Variants in FBXO41 observed in about 807,000 individuals in gnomAD.
FBXO41 encodes F-box only protein 41.
FBXO41 carries 33 observed loss-of-function variants against 81.6 expected under a neutral mutation model. The ratio of observed to expected loss-of-function variants is 0.40; its 90% confidence interval spans 0.31 to 0.54. FBXO41 has a LOEUF of 0.54. Among genes scored for constraint, FBXO41 ranks in the 20% least tolerant of loss-of-function variants. The pLI, the probability that FBXO41 is intolerant of heterozygous loss-of-function variation, is 0.39. For missense variants in FBXO41, 1,107 were observed against 1,236.0 expected (o/e 0.90, Z 1.56); for synonymous variants, 576 against 552.7 (o/e 1.04, Z -0.59).
Position 73,264,365 on chromosome 2 carries a change from G to A in FBXO41, c.1719C>T (p.Ala573=), listed in dbSNP as rs372626007. 15 of 1,613,648 alleles carry A rather than the reference G, an allele frequency of 9.3e-6. No individual in the cohort carries two copies. Among genetic ancestry groups the A allele is most frequent in the South Asian group, 7.7e-5 (7 of 91,096 alleles). ...YLDTRTLLHA[A]EVCRDWRFVA... ...CGAAGCGCCAGTCCCGGCAGACCTC[G>A]GCAGCATGCAGCAGTGTGCGCGTGT... The change falls in exon 6 of 13, where the codon GCC becomes GCT. Residue 573 remains alanine (A), a synonymous_variant. Transcript: ENST00000520530.
At chr2:73,278,971 G>A (rs1483150820) in intron 1 of FBXO41, among the ~76,000 whole-genome samples, 1 of 152,206 alleles carries the variant, frequency 6.6e-6, no homozygotes, top group Non-Finnish European at 1.5e-5. Flanking sequence ...TGAATGAATG[G>A]CAAGGGCTTG....
chr2:73,263,395 G>C (rs1688090440), intron 8 of FBXO41, 87 bp from the exon 9 acceptor site: 9 of 1,060,664 alleles, frequency 8.5e-6, no homozygotes, highest in South Asian at 1.7e-5. Context: ...CCGAGGTTGG[G>C]GATCGCCTGA....
At position 73,260,770 on chromosome 2, in the gene FBXO41, C is replaced by T. The variant is rs569031158; in HGVS notation, c.2260G>A (p.Gly754Ser). Residue 754 changes from glycine (G) to serine (S), a missense_variant, in exon 10 of 13, where the codon GGC becomes AGC. Coordinates refer to ENST00000520530, the MANE Select transcript of FBXO41 (RefSeq NM_001371389.2). The surrounding 1 kb of genome is among the most constrained non-coding windows in gnomAD (Gnocchi z 5.0). ...HLRALGVGGA[G>S]CGVQGLASLA... ...GATGCCAGGCCCTGCACCCCACAGC[C>T]GGCACCCCCGACCCCCAGGGCCCGC... 1.7e-5 allele frequency: 27 copies of T among 1,558,184 alleles called. No individual in the cohort carries two copies. The highest frequency in any genetic ancestry group is 2.4e-5 in the East Asian group (1 of 41,956).
Position 73,255,569 on chromosome 2 carries a change from GCCTTACAC to G in FBXO41, c.*3405_*3412del, listed in dbSNP as rs1191803864. 1 of 152,626 alleles carries G rather than the reference GCCTTACAC, an allele frequency of 6.6e-6. No homozygotes were observed. Among genetic ancestry groups the G allele is most frequent in the African/African-American group, 2.4e-5 (1 of 41,444 alleles). The allele number at this position is 152,626 out of a possible 1,614,324, so 9.5% of individuals were successfully genotyped here. ...CGAGTTAACTTCTCTGGGCATTTGG[GCCTTACAC>G]CCACTCACCATCTCCTGTTTTTACC... On this transcript the variant is annotated 3_prime_UTR_variant, in exon 13 of 13. Coordinates refer to ENST00000520530, the MANE Select transcript of FBXO41 (RefSeq NM_001371389.2).
chr2:73,259,426 T>C lies in FBXO41; in HGVS notation c.2450-130A>G, dbSNP rs1687928760. ...GGGAACACGACAGAGGAGAGCAGAC[T>C]CATGCCACCTGGGGGCTGGCGACCG... On this transcript the variant is annotated intron_variant, in intron 11 of 12. Transcript: ENST00000520530. This position sits in a 1 kb window ranked among gnomAD's most constrained non-coding sequence, Gnocchi z 4.2. 2.6e-6 allele frequency: 2 copies of C among 757,504 alleles called. No homozygotes were observed. The highest frequency in any genetic ancestry group is 4.4e-6 in the Non-Finnish European group (2 of 452,788). The allele number at this position is 757,504 out of a possible 1,614,324, so 46.9% of individuals were successfully genotyped here.
intron 1 of FBXO41, among the ~76,000 whole-genome samples, chr2:73,271,706 C>T (rs2103896410): frequency 6.6e-6 from 1 of 150,772 alleles, no homozygotes. Context: ...TCTCGGCTCA[C>T]TACAACCTCC....
At chr2:73,272,069 G>C (rs1688521504) in intron 1 of FBXO41, 1 of 152,200 alleles carries the variant, frequency 6.6e-6, no homozygotes, top group South Asian at 2.1e-4. Context: ...CTAAGGAGGG[G>C]GACATAAGCT....
chr2:73,276,577 A>AGAGAGAGAGAGAGAGAGAGAGAG, intron 1 of FBXO41, among the ~76,000 whole-genome samples: 2 of 129,046 alleles, frequency 1.5e-5, no homozygotes, highest in African/African-American at 7.5e-5. Context: ...AGAGAGAGAG[A>AGAGAGAGAGAGAGAGAGAGAGAG]GAGAGAGAGA....
rs775681337 is a variant in FBXO41 at position 73,264,026 on chromosome 2, T to A, written c.1834A>T (p.Thr612Ser). The change falls in exon 7 of 13, where the codon ACC becomes TCC. Residue 612 changes from threonine (T) to serine (S), a missense_variant. Around this residue, in one of 2 missense-constraint regions of FBXO41, gnomAD observed 336 missense variants for 446.7 expected, o/e 0.75. Coordinates refer to ENST00000520530, the MANE Select transcript of FBXO41 (RefSeq NM_001371389.2). ...KFLAMLAQWC[T>S]QAHSLTLQNL... ...TGCAGCGTCAGAGAGTGGGCCTGGG[T>A]GCACCACTGAGCCAGCATTGCCAGG... is the stretch of plus-strand genomic sequence containing the variant. 2 of 1,599,828 alleles carry A rather than the reference T, an allele frequency of 1.3e-6. No homozygotes were observed. Among genetic ancestry groups the A allele is most frequent in the East Asian group, 2.3e-5 (1 of 44,186 alleles).
At position 73,275,418 on chromosome 2, in the gene FBXO41, G is replaced by C. The variant is rs564231508; in HGVS notation, c.-138-5650C>G. Among the ~76,000 whole-genome samples, 3 of 151,484 alleles carry C rather than the reference G, an allele frequency of 2.0e-5. No individual in the cohort carries two copies. The East Asian group carries it at 5.9e-4, about 30-fold the overall frequency. The stretch of plus-strand genomic sequence containing the variant: ...GGCTGGTCTTGAACTCTTGACCTCA[G>C]GTGATCTGCCCACCTTGGCCTGCCA... On this transcript the variant is annotated intron_variant, in intron 1 of 12. Coordinates refer to ENST00000520530, the MANE Select transcript of FBXO41 (RefSeq NM_001371389.2).
chr2:73,282,050 A>G (rs1462736713), intron 1 of FBXO41, among the ~76,000 whole-genome samples: 3 of 152,204 alleles, frequency 2.0e-5, no homozygotes, highest in Non-Finnish European at 4.4e-5. Flanking sequence ...GCTGGAGTGC[A>G]GTGGCATGAT....
At chr2:73,264,203 C>A in intron 6 of FBXO41, 75 bp downstream of exon 6, 1 of 1,602,256 alleles carries the variant, frequency 6.2e-7, no homozygotes, top group Admixed American at 1.7e-5. Context: ...AGGACCAGAC[C>A]TCAAGGGGCC....
rs1224473994 is a variant in FBXO41 at position 73,258,955 on chromosome 2, C to A, written c.*27G>T. ...AGAGAGTGCCCTGGTGTGGGGCTGGCAGGGGCCCTGCCGCCCCCTACCCGG... is the reference window on the plus strand; with the variant it reads ...AGAGAGTGCCCTGGTGTGGGGCTGGAAGGGGCCCTGCCGCCCCCTACCCGG... On this transcript the variant is annotated 3_prime_UTR_variant, in exon 13 of 13. Transcript: ENST00000520530. The A allele has an allele frequency of 1.9e-6, 3 of 1,555,068 alleles. No individual in the cohort carries two copies. Among genetic ancestry groups the A allele is most frequent in the Admixed American group, 1.9e-5 (1 of 51,998 alleles).
At chr2:73,282,182 T>C (rs1409502345) in intron 1 of FBXO41, among the ~76,000 whole-genome samples, 1 of 152,140 alleles carries the variant, frequency 6.6e-6, no homozygotes, top group Non-Finnish European at 1.5e-5. Context: ...TTAGTAGAGA[T>C]GGGGTTTCTC....
chr2:73,268,897 G>T lies in FBXO41; in HGVS notation c.734C>A (p.Ala245Glu), dbSNP rs759674854. 3 of 1,550,432 alleles carry T rather than the reference G, an allele frequency of 1.9e-6. No homozygotes were observed. Among genetic ancestry groups the T allele is most frequent in the Non-Finnish European group, 2.6e-6 (3 of 1,150,314 alleles). ...CTGCCGCGCAGTCTCCAGTTCGGCC[G>T]CCTTGCGCTCCAGCTCGGCCTGCAG... is the stretch of plus-strand genomic sequence containing the variant. Reference protein sequence around the residue: ...GRLQAELERKAAELETARQES... With the variant: ...GRLQAELERKEAELETARQES... Residue 245 changes from alanine to glutamate, a missense_variant, in exon 2 of 13, where the codon GCG (alanine) becomes GAG (glutamate). By Grantham distance (107) the Ala-to-Glu change is moderately radical. Around this residue, in one of 2 missense-constraint regions of FBXO41, gnomAD observed 771 missense variants for 789.2 expected, o/e 0.98. Coordinates refer to ENST00000520530, the MANE Select transcript of FBXO41 (RefSeq NM_001371389.2).
At chr2:73,263,041 G>A (rs780608836) in intron 9 of FBXO41, among the ~76,000 whole-genome samples, 172 bp downstream of exon 9, 6 of 152,224 alleles carry the variant, frequency 3.9e-5, no homozygotes, top group East Asian at 1.9e-4. Flanking sequence ...TACCGTGCTC[G>A]ACCAACCAGG....
chr2:73,265,608 C>T lies in FBXO41; in HGVS notation c.1238G>A (p.Ser413Asn). The stretch of plus-strand genomic sequence containing the variant: ...ACTGTCACTGTCATAGCAGCCTGAG[C>T]TCTGGGATGCGGCTGGCACACGGCT... ...ASSRVPAASQSSGCYDSDSLE... is the reference protein window; with the variant it reads ...ASSRVPAASQNSGCYDSDSLE... Residue 413 changes from serine (S) to asparagine (N), a missense_variant, in exon 5 of 13, where the codon AGC (serine) becomes AAC (asparagine). This residue lies in a region of FBXO41 where 771 missense variants were observed against 789.2 expected (regional missense o/e 0.98). Coordinates refer to ENST00000520530, the MANE Select transcript of FBXO41 (RefSeq NM_001371389.2). 6.6e-7 allele frequency: 1 copy of T among 1,524,716 alleles called. No individual in the cohort carries two copies. Among genetic ancestry groups the T allele is most frequent in the South Asian group, 1.3e-5 (1 of 75,628 alleles). 94.4% of individuals were successfully genotyped at this position (1,524,716 alleles called of 1,614,324 possible).
chr2:73,264,201 A>G (rs974422258), intron 6 of FBXO41, 77 bp downstream of exon 6: 1 of 1,601,232 alleles, frequency 6.2e-7, no homozygotes, highest in African/African-American at 1.3e-5. Flanking sequence ...CAAGGACCAG[A>G]CCTCAAGGGG....
chr2:73,265,977 C>T lies in FBXO41; in HGVS notation c.1132-11G>A, dbSNP rs1392423325. On this transcript the variant is annotated splice_polypyrimidine_tract_variant and intron_variant, in intron 3 of 12. Transcript: ENST00000520530. ...CACGTGGTGTTCTCGCTGTGGGCCC[C>T]CAGAGCAGGAGGTAAAGGAGAGGGG... is the stretch of plus-strand genomic sequence containing the variant. The T allele has an allele frequency of 3.8e-6, 6 of 1,564,952 alleles. No individual in the cohort carries two copies. Among genetic ancestry groups the T allele is most frequent in the Non-Finnish European group, 5.2e-6 (6 of 1,153,804 alleles).
Sources: allele counts gnomAD v4.1 joint callset (sites outside exome capture counted in the v4.1 genomes callset), GRCh38; gene constraint gnomAD v4.1.1; regional missense constraint gnomAD v4.1.1; non-coding constraint Gnocchi (gnomAD v3.1); transcripts MANE v1.5; gene names NCBI Gene and HGNC (gene_info 2026-07-23, HGNC 2026-07-21).